LRP1B: variants seen among roughly 807,000 people sequenced by gnomAD.
The protein encoded by LRP1B is LDL receptor related protein 1B.
LRP1B carries 217 observed loss-of-function variants against 556.6 expected under a neutral mutation model. That is an observed-to-expected ratio of 0.39 (90% CI 0.35 to 0.44). LRP1B has a LOEUF of 0.44. LRP1B is among the 20% of genes least tolerant of loss of function. The pLI, the probability that LRP1B is intolerant of heterozygous loss-of-function variation, is 1.00. For missense variants in LRP1B, 5,053 were observed against 5,620.8 expected (o/e 0.90, Z 3.23); for synonymous variants, 2,047 against 1,865.8 (o/e 1.10, Z -2.50).
At chr2:140,384,256 A>G (rs1404320719) in intron 67 of LRP1B, among the ~76,000 whole-genome samples, 3 of 152,218 alleles carry the variant, frequency 2.0e-5, no homozygotes, top group Admixed American at 6.5e-5. Flanking sequence ...AACACCAAAT[A>G]TATCAAAAGA....
At chr2:140,495,406 AC>A (rs1341197773) in intron 56 of LRP1B, among the ~76,000 whole-genome samples, 158 bp downstream of exon 56, 1 of 152,002 alleles carries the variant, frequency 6.6e-6, no homozygotes, top group Admixed American at 6.6e-5. Context: ...AACAGAGCAT[AC>A]AAAATCAGAG....
intron 2 of LRP1B, among the ~76,000 whole-genome samples, chr2:141,708,406 C>T (rs1323198308): frequency 6.6e-6 from 1 of 151,948 alleles, no homozygotes; most frequent in Admixed American, 6.6e-5. Flanking sequence ...TGGTTTTTCC[C>T]TTTAGGAATA....
At chr2:141,411,378 T>C (rs1018692577) in intron 3 of LRP1B, among the ~76,000 whole-genome samples, 3 of 152,096 alleles carry the variant, frequency 2.0e-5, no homozygotes, top group Admixed American at 2.0e-4. Context: ...CATATAAACT[T>C]GGAAAGCATG....
At chr2:141,826,614 C>T (rs1696938170) in intron 1 of LRP1B, among the ~76,000 whole-genome samples, 3 of 152,152 alleles carry the variant, frequency 2.0e-5, no homozygotes, top group African/African-American at 2.4e-5. Context: ...CCACCTCAGC[C>T]TCCCAAAGTG....
chr2:141,078,019 A>G (rs1222794065), intron 7 of LRP1B, among the ~76,000 whole-genome samples: 1 of 150,862 alleles, frequency 6.6e-6, no homozygotes, highest in Non-Finnish European at 1.5e-5. Context: ...GAGCCATTAA[A>G]TTTCCTTTTT....
At chr2:141,527,227 A>G (rs1342879773) in intron 2 of LRP1B, among the ~76,000 whole-genome samples, 1 of 152,114 alleles carries the variant, frequency 6.6e-6, no homozygotes, top group Non-Finnish European at 1.5e-5. Context: ...CGATGAAGAT[A>G]GCTGTATCTT....
intron 35 of LRP1B, among the ~76,000 whole-genome samples, chr2:140,755,909 A>G (rs1054954083): frequency 1.1e-4 from 16 of 151,956 alleles, no homozygotes; most frequent in African/African-American, 3.6e-4. Flanking sequence ...TTGGAAATGA[A>G]GAAGTAAACT....
chr2:141,291,855 C>CAAAAAAAAAAAAAAAAAAAAAAAAAA (rs143819331), intron 3 of LRP1B, among the ~76,000 whole-genome samples: 2 of 99,334 alleles, frequency 2.0e-5, no homozygotes, highest in Admixed American at 1.1e-4. Context: ...GACTCTGTCT[C>CAAAAAAAAAAAAAAAAAAAAAAAAAA]AAAAAAAAAA....
intron 7 of LRP1B, among the ~76,000 whole-genome samples, chr2:141,179,258 T>C (rs1458330201): frequency 6.6e-6 from 1 of 151,992 alleles, no homozygotes; most frequent in Non-Finnish European, 1.5e-5. Flanking sequence ...ATGAGACTAA[T>C]TATTTAGGTA....
intron 77 of LRP1B, among the ~76,000 whole-genome samples, chr2:140,342,596 A>G (rs1681450358): frequency 6.6e-6 from 1 of 151,598 alleles, no homozygotes; most frequent in African/African-American, 2.4e-5. Flanking sequence ...GCTACAGAAC[A>G]TTTTTAAAAT....
chr2:142,075,312 T>C (rs947650423), intron 1 of LRP1B, among the ~76,000 whole-genome samples: 3 of 152,088 alleles, frequency 2.0e-5, no homozygotes, highest in East Asian at 1.9e-4. Context: ...GGTGTATTAA[T>C]AGAGTAAGTA....
chr2:141,732,594 C>T (rs889351460), intron 2 of LRP1B, among the ~76,000 whole-genome samples: 10 of 152,096 alleles, frequency 6.6e-5, no homozygotes, highest in African/African-American at 2.4e-4. Context: ...CTAATTTCTG[C>T]TTGCAGTCGA....
chr2:140,426,173 A>G (rs909072071), intron 66 of LRP1B, among the ~76,000 whole-genome samples: 6 of 152,162 alleles, frequency 3.9e-5, no homozygotes, highest in African/African-American at 1.2e-4. Flanking sequence ...TTGACATTCA[A>G]CCTTGTGTGT....
At chr2:141,765,897 G>C (rs1694717915) in intron 2 of LRP1B, among the ~76,000 whole-genome samples, 1 of 152,092 alleles carries the variant, frequency 6.6e-6, no homozygotes, top group Non-Finnish European at 1.5e-5. Context: ...TCTGGGGTTA[G>C]GGTCCAGCAC....
chr2:141,846,191 C>T (rs1451017308), intron 1 of LRP1B, among the ~76,000 whole-genome samples: 1 of 151,302 alleles, frequency 6.6e-6, no homozygotes, highest in Non-Finnish European at 1.5e-5. Context: ...CTAAAAAATA[C>T]AGAAAGGAAA....
chr2:142,088,727 G>A (rs892044438), intron 1 of LRP1B, among the ~76,000 whole-genome samples: 6 of 152,082 alleles, frequency 3.9e-5, no homozygotes, highest in African/African-American at 1.4e-4. Flanking sequence ...TGTAATCCCA[G>A]CACTTTGGGA....
chr2:140,962,417 G>A (rs577530607), intron 18 of LRP1B, among the ~76,000 whole-genome samples: 1 of 152,228 alleles, frequency 6.6e-6, no homozygotes, highest in South Asian at 2.1e-4. Flanking sequence ...AAATAACATT[G>A]TAAAAAATAT....
intron 14 of LRP1B, among the ~76,000 whole-genome samples, chr2:141,011,012 AT>A (rs1169868936): frequency 2.7e-5 from 4 of 148,992 alleles, no homozygotes; most frequent in East Asian, 3.9e-4. Context: ...TGTATAAAAA[AT>A]ATAAATAAAT....
intron 41 of LRP1B, among the ~76,000 whole-genome samples, chr2:140,659,071 A>G (rs1188624690): frequency 6.9e-6 from 1 of 145,326 alleles, no homozygotes. Flanking sequence ...CATGTTAGGC[A>G]ATGGGTTGTC....
Sources: allele counts gnomAD v4.1 joint callset (sites outside exome capture counted in the v4.1 genomes callset), GRCh38; gene constraint gnomAD v4.1.1; transcripts MANE v1.5; gene names NCBI Gene and HGNC (gene_info 2026-07-23, HGNC 2026-07-21).